Variants in TOX observed in about 807,000 individuals in gnomAD.
TOX encodes the protein thymocyte selection-associated high mobility group box protein TOX.
TOX carries 11 observed loss-of-function variants against 53.7 expected under a neutral mutation model. That is an observed-to-expected ratio of 0.20 (90% CI 0.13 to 0.34). The LOEUF (loss-of-function observed/expected upper bound fraction) is 0.34. Ranked by LOEUF, TOX falls within the 10% of genes least tolerant of loss-of-function variation. The probability of loss-of-function intolerance (pLI) is 1.00; values close to 1 mark genes in which losing one functional copy is unlikely to be tolerated. For synonymous variants in TOX, 225 were observed against 245.3 expected (o/e 0.92, Z 0.77); for missense variants, 570 against 664.6 (o/e 0.86, Z 1.56).
chr8:59,058,743 T>C (rs1349402836), intron 1 of TOX, among the ~76,000 whole-genome samples: 1 of 152,202 alleles, frequency 6.6e-6, no homozygotes, highest in Non-Finnish European at 1.5e-5. Flanking sequence ...GGAGGCTCCA[T>C]GGTGCCTTTC....
At chr8:58,907,463 C>T (rs1404658393) in intron 3 of TOX, among the ~76,000 whole-genome samples, 3 of 152,076 alleles carry the variant, frequency 2.0e-5, no homozygotes, top group African/African-American at 4.8e-5. Context: ...GCTGTGATGG[C>T]GTGCACGTGT....
At chr8:59,033,786 A>G (rs1220597898) in intron 1 of TOX, among the ~76,000 whole-genome samples, 1 of 152,170 alleles carries the variant, frequency 6.6e-6, no homozygotes, top group African/African-American at 2.4e-5. Flanking sequence ...GTATTTAAAG[A>G]CTGTGTTCAC....
At chr8:58,918,669 G>A (rs1331155586) in intron 3 of TOX, among the ~76,000 whole-genome samples, 1 of 55,380 alleles carries the variant, frequency 1.8e-5, no homozygotes, top group Admixed American at 2.2e-4. Flanking sequence ...CTCTCTCACC[G>A]CTCCTATTCA....
At chr8:58,986,242 T>G (rs1813325624) in intron 1 of TOX, among the ~76,000 whole-genome samples, 1 of 152,172 alleles carries the variant, frequency 6.6e-6, no homozygotes, top group African/African-American at 2.4e-5. Context: ...GAGGAAAACC[T>G]TCAGGGTACT....
chr8:59,084,799 G>A (rs1354197277), intron 1 of TOX, among the ~76,000 whole-genome samples: 2 of 152,156 alleles, frequency 1.3e-5, no homozygotes, highest in Non-Finnish European at 2.9e-5. Context: ...CTTAGGAAGT[G>A]TAAAGGAATA....
intron 1 of TOX, among the ~76,000 whole-genome samples, chr8:58,989,472 C>T (rs1047257275): frequency 3.3e-5 from 5 of 152,094 alleles, no homozygotes; most frequent in African/African-American, 7.2e-5. Flanking sequence ...TTCCTCTGTC[C>T]GGTGATGTGC....
chr8:59,099,465 A>G (rs573152737), intron 1 of TOX, among the ~76,000 whole-genome samples: 7 of 152,236 alleles, frequency 4.6e-5, no homozygotes, highest in Non-Finnish European at 8.8e-5. Context: ...AAATAAATGA[A>G]TAATTACGTT....
intron 7 of TOX, among the ~76,000 whole-genome samples, chr8:58,809,693 A>G (rs1388477588): frequency 6.6e-6 from 1 of 152,226 alleles, no homozygotes; most frequent in Non-Finnish European, 1.5e-5. Context: ...TCAAGCTGTA[A>G]ATATCTTCCA....
At chr8:58,967,594 A>C (rs1399569324) in intron 1 of TOX, among the ~76,000 whole-genome samples, 1 of 152,146 alleles carries the variant, frequency 6.6e-6, no homozygotes, top group African/African-American at 2.4e-5. Flanking sequence ...GCTGGAGCTG[A>C]GGAGGTTTTG....
In TOX at chr8:58,960,082, G is replaced by T. The variant is rs1812776482; in HGVS notation, c.103-74C>A. 107 of 1,529,984 alleles carry T rather than the reference G, an allele frequency of 7.0e-5. 2 individuals are homozygous for T. The South Asian group carries it at 1.1e-3, about 16-fold the overall frequency. 94.8% of individuals were successfully genotyped at this position (1,529,984 alleles called of 1,614,324 possible). The stretch of plus-strand genomic sequence containing the variant: ...GTTTGGTTTTTATTTGTTTTGTTTT[G>T]TTTTTTAACCATCAAACTGGAAAAC... On this transcript the variant is annotated intron_variant, in intron 1 of 8. Transcript: ENST00000361421.
At chr8:59,007,293 A>C (rs1350773210) in intron 1 of TOX, among the ~76,000 whole-genome samples, 1 of 152,106 alleles carries the variant, frequency 6.6e-6, no homozygotes, top group African/African-American at 2.4e-5. Flanking sequence ...GTTTAATGAA[A>C]TTCTTCTTTC....
chr8:58,899,611 A>G lies in TOX; in HGVS notation c.411+39691T>C, dbSNP rs1286267405. 3.3e-5 allele frequency among the ~76,000 whole-genome samples: 5 copies of G among 152,072 alleles called. No homozygotes were observed. In the East Asian group the frequency reaches 9.6e-4, roughly 29 times the overall value. On this transcript the variant is annotated intron_variant, in intron 3 of 8. Transcript: ENST00000361421. ...TCAGATTTCTGACATTTTTTTTTGAATTTTGGAATATTTGCATTATACTTA... is the reference window on the plus strand; with the variant it reads ...TCAGATTTCTGACATTTTTTTTTGAGTTTTGGAATATTTGCATTATACTTA...
chr8:58,994,456 G>A (rs1056823939), intron 1 of TOX, among the ~76,000 whole-genome samples: 1 of 149,150 alleles, frequency 6.7e-6, no homozygotes, highest in African/African-American at 2.5e-5. Context: ...TTTTTTTAAA[G>A]AAAGGACTAA....
chr8:58,851,659 C>T lies in TOX; in HGVS notation c.558G>A (p.Gln186=), dbSNP rs759872668. 6.2e-7 allele frequency: 1 copy of T among 1,613,708 alleles called. No homozygotes were observed. Among genetic ancestry groups the T allele is most frequent in the Admixed American group, 1.7e-5 (1 of 59,930 alleles). The change falls in exon 4 of 9, where the codon CAG becomes CAA. Residue 186 remains glutamine, a synonymous_variant. Transcript: ENST00000361421. The surrounding 1 kb of genome is among the most constrained non-coding windows in gnomAD (Gnocchi z 4.4). The part of the protein sequence containing the change: ...HGQLTTINQS[Q]LSAQLGLNMG... ...TATTCAAACCAAGTTGAGCACTTAGCTGTGACTGGTTAATGGTAGTCAGCT... is the reference window on the plus strand; with the variant it reads ...TATTCAAACCAAGTTGAGCACTTAGTTGTGACTGGTTAATGGTAGTCAGCT...
chr8:58,997,825 C>T (rs2129417860), intron 1 of TOX, among the ~76,000 whole-genome samples: 1 of 152,184 alleles, frequency 6.6e-6, no homozygotes, highest in African/African-American at 2.4e-5. Flanking sequence ...CGGAGTCTCC[C>T]TCTGTCGCCC....
chr8:58,956,146 G>A (rs1812704306), intron 2 of TOX, among the ~76,000 whole-genome samples: 1 of 152,164 alleles, frequency 6.6e-6, no homozygotes, highest in Non-Finnish European at 1.5e-5. Flanking sequence ...AGAAAGTTCT[G>A]AAGAAGAGAA....
At chr8:58,942,297 C>T (rs1271823325) in intron 2 of TOX, among the ~76,000 whole-genome samples, 2 of 152,056 alleles carry the variant, frequency 1.3e-5, no homozygotes, top group African/African-American at 4.8e-5. Context: ...TCAGTGATAA[C>T]AATTGTATTG....
intron 2 of TOX, among the ~76,000 whole-genome samples, chr8:58,944,133 T>C (rs1273219366): frequency 6.6e-6 from 1 of 152,174 alleles, no homozygotes; most frequent in Non-Finnish European, 1.5e-5. Context: ...TCGCGAGGTG[T>C]TGCTAGTGCT....
At chr8:58,964,072 G>A (rs1449524540) in intron 1 of TOX, among the ~76,000 whole-genome samples, 1 of 151,754 alleles carries the variant, frequency 6.6e-6, no homozygotes, top group African/African-American at 2.4e-5. Flanking sequence ...CCCTTAAAGA[G>A]AACAACAACG....
Sources: gnomAD v4.1 joint callset for allele counts (sites outside exome capture counted in the v4.1 genomes callset) on GRCh38, gnomAD v4.1.1 for gene constraint, Gnocchi (gnomAD v3.1) non-coding constraint, MANE v1.5 for transcripts, NCBI Gene and HGNC (gene_info 2026-07-23, HGNC 2026-07-21) for gene names.